Variants in F2RL1 observed in about 807,000 individuals in gnomAD.
The protein encoded by F2RL1 is F2R like trypsin receptor 1.
A neutral mutation model predicts 21.7 loss-of-function variants in F2RL1; 16 were observed. That is an observed-to-expected ratio of 0.74 (90% CI 0.50 to 1.12). The LOEUF is 1.12. Among genes scored for constraint, F2RL1 ranks in the 50% most tolerant of loss-of-function variants. The pLI is 0.00. For missense variants in F2RL1, 432 were observed against 477.8 expected (o/e 0.90, Z 0.89); for synonymous variants, 181 against 186.7 (o/e 0.97, Z 0.25).
intron 1 of F2RL1, among the ~76,000 whole-genome samples, chr5:76,825,256 C>T (rs961409040): frequency 5.3e-5 from 8 of 151,954 alleles, no homozygotes; most frequent in African/African-American, 1.2e-4. Flanking sequence ...CCACCCGCCT[C>T]GGCCTCCCAA....
intron 1 of F2RL1, among the ~76,000 whole-genome samples, chr5:76,826,060 AATT>A (rs1242467169): frequency 6.6e-6 from 1 of 152,166 alleles, no homozygotes; most frequent in Non-Finnish European, 1.5e-5. Flanking sequence ...CAACTTCAAT[AATT>A]ATTAACTGTT....
At position 76,819,059 on chromosome 5, in the gene F2RL1, A is replaced by C; in HGVS notation, c.-124A>C. The stretch of plus-strand genomic sequence containing the variant: ...CCTAACCCGCCCTGGGGAGGCGCGC[A>C]GCAGAGGCTCCGATTCGGGGCAGGT... On this transcript the variant is annotated 5_prime_UTR_variant, in exon 1 of 2. Coordinates refer to ENST00000296677, the MANE Select transcript of F2RL1 (RefSeq NM_005242.6). 1.3e-6 allele frequency: 1 copy of C among 762,060 alleles called. No individual in the cohort carries two copies. Among genetic ancestry groups the C allele is most frequent in the South Asian group, 1.7e-5 (1 of 57,584 alleles). The allele number at this position is 762,060 out of a possible 1,614,324, so 47.2% of individuals were successfully genotyped here.
At chr5:76,823,780 G>A (rs755173808) in intron 1 of F2RL1, among the ~76,000 whole-genome samples, 3 of 149,108 alleles carry the variant, frequency 2.0e-5, no homozygotes, top group Admixed American at 6.7e-5. Flanking sequence ...TTACCTAATC[G>A]ATTCATAGTC....
intron 1 of F2RL1, among the ~76,000 whole-genome samples, chr5:76,828,957 A>T (rs187816728): frequency 6.6e-6 from 1 of 152,148 alleles, no homozygotes; most frequent in East Asian, 1.9e-4. Flanking sequence ...CTCTACTAAA[A>T]ATACAAAAAT....
Position 76,832,971 on chromosome 5 carries a change from C to T in F2RL1, c.364C>T (p.Leu122Phe), listed in dbSNP as rs780259636. 1.2e-6 allele frequency: 2 copies of T among 1,614,230 alleles called. No homozygotes were observed. Among genetic ancestry groups the T allele is most frequent in the South Asian group, 2.2e-5 (2 of 91,086 alleles). ...CATGGCCAATCTGGCCTTGGCTGAC[C>T]TCCTCTCTGTCATCTGGTTCCCCTT... ...IYMANLALADLLSVIWFPLKI... is the reference protein window; with the variant it reads ...IYMANLALADFLSVIWFPLKI... Residue 122 changes from leucine to phenylalanine, a missense_variant, in exon 2 of 2, where the codon CTC becomes TTC. Coordinates refer to ENST00000296677, the MANE Select transcript of F2RL1 (RefSeq NM_005242.6).
At position 76,833,040 on chromosome 5, in the gene F2RL1, G is replaced by A; in HGVS notation, c.433G>A (p.Glu145Lys). 3 of 1,614,172 alleles carry A rather than the reference G, an allele frequency of 1.9e-6. No homozygotes were observed. Among genetic ancestry groups the A allele is most frequent in the Non-Finnish European group, 2.5e-6 (3 of 1,180,004 alleles). ...HIHGNNWIYG[E>K]ALCNVLIGFF... Reference sequence around the variant, plus strand: ...ACATGGCAACAACTGGATTTATGGGGAAGCTCTTTGTAATGTGCTTATTGG... The same window carrying A: ...ACATGGCAACAACTGGATTTATGGGAAAGCTCTTTGTAATGTGCTTATTGG... Residue 145 changes from glutamate to lysine, a missense_variant, in exon 2 of 2, where the codon GAA (glutamate) becomes AAA (lysine). Physicochemically the swap from Glu to Lys is moderately conservative, Grantham distance 56. Coordinates refer to ENST00000296677, the MANE Select transcript of F2RL1 (RefSeq NM_005242.6).
intron 1 of F2RL1, among the ~76,000 whole-genome samples, chr5:76,819,940 G>A (rs948544261): frequency 1.2e-4 from 19 of 152,192 alleles, no homozygotes; most frequent in Non-Finnish European, 5.9e-5. Context: ...GGGTTCTGGT[G>A]GTAATGAGCG....
intron 1 of F2RL1, among the ~76,000 whole-genome samples, chr5:76,825,716 C>T (rs1353380905): frequency 6.6e-6 from 1 of 152,140 alleles, no homozygotes. Flanking sequence ...TGTACAGAGT[C>T]AGAGCAAATG....
In F2RL1 at chr5:76,834,203, G is replaced by C. The variant is rs771309279; in HGVS notation, c.*402G>C. 3 of 155,664 alleles carry C rather than the reference G, an allele frequency of 1.9e-5. No individual in the cohort carries two copies. Among genetic ancestry groups the C allele is most frequent in the African/African-American group, 2.4e-5 (1 of 41,468 alleles). 9.6% of individuals were successfully genotyped at this position (155,664 alleles called of 1,614,324 possible). On this transcript the variant is annotated 3_prime_UTR_variant, in exon 2 of 2. Coordinates refer to ENST00000296677, the MANE Select transcript of F2RL1 (RefSeq NM_005242.6). ...TTAGGGCTTCAAGGCCCTCAGAGAT[G>C]ATCAGTCCAACTGAACGACCTTACA...
In F2RL1 at chr5:76,830,745, C is replaced by T. The variant is rs925929355; in HGVS notation, c.83-1945C>T. Among the ~76,000 whole-genome samples the T allele has an allele frequency of 2.8e-4, 43 of 152,166 alleles. 1 individual carries two copies. The highest frequency in any genetic ancestry group is 6.3e-4 in the Non-Finnish European group (43 of 68,034). On this transcript the variant is annotated intron_variant, in intron 1 of 1. Coordinates refer to ENST00000296677, the MANE Select transcript of F2RL1 (RefSeq NM_005242.6). ...ACATAGACTTCTCTTTTGGGGGCACCACCTTTCAACCCACTACACTAAGTG... is the reference window on the plus strand; with the variant it reads ...ACATAGACTTCTCTTTTGGGGGCACTACCTTTCAACCCACTACACTAAGTG...
At chr5:76,831,845 T>C (rs924836371) in intron 1 of F2RL1, among the ~76,000 whole-genome samples, 1 of 152,060 alleles carries the variant, frequency 6.6e-6, no homozygotes. Flanking sequence ...ATTTTACTAA[T>C]TGATAAATCA....
chr5:76,831,670 A>T (rs893197978), intron 1 of F2RL1, among the ~76,000 whole-genome samples: 14 of 151,266 alleles, frequency 9.3e-5, no homozygotes, highest in Non-Finnish European at 1.8e-4. Context: ...AGTAGCTGGG[A>T]TTACAGGCGC....
At chr5:76,823,229 C>CA (rs70982641) in intron 1 of F2RL1, among the ~76,000 whole-genome samples, 78,292 of 138,710 alleles carry the variant, frequency 0.56, 21,175 homozygotes, top group South Asian at 0.73. Context: ...GACTCAGTCT[C>CA]AAAAAAAAAA....
chr5:76,833,640 T>C lies in F2RL1; in HGVS notation c.1033T>C (p.Tyr345His), dbSNP rs766276267. 4.2e-5 allele frequency: 68 copies of C among 1,613,948 alleles called. No homozygotes were observed. The highest frequency in any genetic ancestry group is 5.5e-5 in the Non-Finnish European group (65 of 1,180,028). ...CAGCTGCATCGACCCCTTTGTCTAT[T>C]ACTTTGTTTCACATGATTTCAGGGA... ...LNSCIDPFVY[Y>H]FVSHDFRDHA... Residue 345 changes from tyrosine to histidine, a missense_variant, in exon 2 of 2, where the codon TAC becomes CAC. Coordinates refer to ENST00000296677, the MANE Select transcript of F2RL1 (RefSeq NM_005242.6).
intron 1 of F2RL1, among the ~76,000 whole-genome samples, chr5:76,820,377 G>C (rs1460500459): frequency 6.6e-6 from 1 of 152,150 alleles, no homozygotes; most frequent in African/African-American, 2.4e-5. Flanking sequence ...TCTTCATAAA[G>C]ACGAAGTAAA....
At chr5:76,831,709 A>G (rs971421504) in intron 1 of F2RL1, among the ~76,000 whole-genome samples, 1 of 151,802 alleles carries the variant, frequency 6.6e-6, no homozygotes, top group Admixed American at 6.6e-5. Context: ...TGTATTTTTA[A>G]CAGAGTCAGG....
intron 1 of F2RL1, among the ~76,000 whole-genome samples, chr5:76,828,733 A>G (rs1750292198): frequency 6.6e-6 from 1 of 151,852 alleles, no homozygotes; most frequent in African/African-American, 2.4e-5. Flanking sequence ...GCCTCGAGCA[A>G]TCCTTCCACG....
Position 76,832,805 on chromosome 5 carries a change from A to G in F2RL1, c.198A>G (p.Ala66=). The G allele has an allele frequency of 6.2e-7, 1 of 1,614,256 alleles. No homozygotes were observed. Among genetic ancestry groups the G allele is most frequent in the Non-Finnish European group, 8.5e-7 (1 of 1,180,048 alleles). The change falls in exon 2 of 2, where the codon GCA becomes GCG. Residue 66 remains alanine (A), a synonymous_variant. Transcript: ENST00000296677. ...TCTTTTCTGTGGATGAGTTTTCTGC[A>G]TCTGTCCTCACTGGAAAACTGACCA... is the stretch of plus-strand genomic sequence containing the variant. The part of the protein sequence containing the change: ...ETVFSVDEFS[A]SVLTGKLTTV...
intron 1 of F2RL1, among the ~76,000 whole-genome samples, chr5:76,831,074 C>G (rs977483213): frequency 5.3e-5 from 8 of 152,084 alleles, no homozygotes; most frequent in Non-Finnish European, 1.2e-4. Flanking sequence ...TTCATGAATA[C>G]TTAGGGGCAG....
Sources: allele counts gnomAD v4.1 joint callset (sites outside exome capture counted in the v4.1 genomes callset), GRCh38; gene constraint gnomAD v4.1.1; transcripts MANE v1.5; gene names NCBI Gene and HGNC (gene_info 2026-07-23, HGNC 2026-07-21).